Variants in CA10 observed in about 807,000 individuals in gnomAD.
CA10 encodes carbonic anhydrase-related protein 10.
CA10 carries 14 observed loss-of-function variants against 44.2 expected under a neutral mutation model. That is an observed-to-expected ratio of 0.32 (90% CI 0.21 to 0.50). CA10 has a LOEUF of 0.50. Ranked by LOEUF, CA10 falls within the 20% of genes least tolerant of loss-of-function variation. The pLI, the probability that CA10 is intolerant of heterozygous loss-of-function variation, is 0.99. For missense variants in CA10, 350 were observed against 409.7 expected, an observed-to-expected ratio of 0.85 and a Z score of 1.26; for synonymous variants, 159 against 141.6, an observed-to-expected ratio of 1.12 and a Z score of -0.87.
chr17:51,795,001 G>A (rs908388242), intron 3 of CA10, among the ~76,000 whole-genome samples: 5 of 152,134 alleles, frequency 3.3e-5, no homozygotes, highest in Non-Finnish European at 7.4e-5. Context: ...ATGCAGGATG[G>A]CATCAGGAAA....
At chr17:51,686,835 A>G (rs1915026917) in intron 4 of CA10, among the ~76,000 whole-genome samples, 1 of 152,122 alleles carries the variant, frequency 6.6e-6, no homozygotes, top group South Asian at 2.1e-4. Flanking sequence ...TAAGCTTGAT[A>G]CTAGTTGTTT....
intron 3 of CA10, among the ~76,000 whole-genome samples, chr17:51,784,744 C>A (rs1451951464): frequency 1.3e-5 from 2 of 152,194 alleles, no homozygotes; most frequent in Non-Finnish European, 2.9e-5. Flanking sequence ...AACGGAGTAT[C>A]CATCCCCTCA....
chr17:51,967,076 C>T (rs1173155100), intron 2 of CA10, among the ~76,000 whole-genome samples: 6 of 150,748 alleles, frequency 4.0e-5, no homozygotes, highest in Non-Finnish European at 8.9e-5. Context: ...AAGAAGACAA[C>T]AAACATATGA....
At chr17:52,043,471 T>C (rs2109450) in intron 2 of CA10, among the ~76,000 whole-genome samples, 67,346 of 151,888 alleles carry the variant, frequency 0.44, 15,423 homozygotes, top group Non-Finnish European at 0.5. Flanking sequence ...TGGTGGAGTT[T>C]TAGCATTTCT....
At chr17:51,738,413 G>T (rs9915772) in intron 4 of CA10, among the ~76,000 whole-genome samples, 1 of 152,216 alleles carries the variant, frequency 6.6e-6, no homozygotes, top group South Asian at 2.1e-4. Context: ...GAATGTGGGC[G>T]GGGGAGATTT....
At chr17:51,968,536 C>A (rs1472285835) in intron 2 of CA10, among the ~76,000 whole-genome samples, 1 of 151,826 alleles carries the variant, frequency 6.6e-6, no homozygotes, top group African/African-American at 2.4e-5. Context: ...AAGAAACAGA[C>A]ACTATAGAGA....
At chr17:51,638,338 G>A (rs1452708777) in intron 6 of CA10, among the ~76,000 whole-genome samples, 2 of 152,174 alleles carry the variant, frequency 1.3e-5, no homozygotes, top group African/African-American at 4.8e-5. Context: ...GCTTCACCAA[G>A]CTGGATTTGG....
intron 4 of CA10, among the ~76,000 whole-genome samples, chr17:51,724,619 A>G (rs1203949616): frequency 6.6e-6 from 1 of 152,134 alleles, no homozygotes; most frequent in African/African-American, 2.4e-5. Flanking sequence ...CTTTTTTTAA[A>G]TTTTGTTTTC....
chr17:51,811,730 G>C (rs925765358), intron 3 of CA10, among the ~76,000 whole-genome samples: 1 of 152,130 alleles, frequency 6.6e-6, no homozygotes, highest in Non-Finnish European at 1.5e-5. Context: ...ATTGTGAATA[G>C]TGCCGCAATA....
intron 1 of CA10, among the ~76,000 whole-genome samples, chr17:52,089,790 T>C (rs994740205): frequency 6.6e-6 from 1 of 152,076 alleles, no homozygotes; most frequent in Non-Finnish European, 1.5e-5. Context: ...CATGCATGCA[T>C]ATGTGGTAAA....
intron 2 of CA10, among the ~76,000 whole-genome samples, chr17:51,936,145 T>C (rs756441129): frequency 6.6e-6 from 1 of 152,094 alleles, no homozygotes; most frequent in African/African-American, 2.4e-5. Flanking sequence ...GGCATTAGGG[T>C]TGGCACTGAA....
chr17:52,006,779 A>G (rs370435829), intron 2 of CA10, among the ~76,000 whole-genome samples: 1 of 151,866 alleles, frequency 6.6e-6, no homozygotes, highest in African/African-American at 2.4e-5. Flanking sequence ...GTATAAATAC[A>G]TCTTCTAAAA....
At chr17:52,004,238 A>G (rs554916542) in intron 2 of CA10, among the ~76,000 whole-genome samples, 1 of 152,092 alleles carries the variant, frequency 6.6e-6, no homozygotes, top group African/African-American at 2.4e-5. Flanking sequence ...TAATTTCCCT[A>G]TGTTACCCTT....
chr17:51,785,625 C>CA (rs1026612566), intron 3 of CA10, among the ~76,000 whole-genome samples: 3 of 152,036 alleles, frequency 2.0e-5, no homozygotes, highest in Non-Finnish European at 4.4e-5. Context: ...CAATAAAAAC[C>CA]AAAAATAGAG....
chr17:51,860,714 T>C (rs1979264939), intron 3 of CA10, among the ~76,000 whole-genome samples: 2 of 152,220 alleles, frequency 1.3e-5, no homozygotes, highest in East Asian at 1.9e-4. Flanking sequence ...TATAGCTGTG[T>C]ATTAATAGTT....
At chr17:51,682,858 G>A (rs1354769185) in intron 4 of CA10, among the ~76,000 whole-genome samples, 5 of 152,140 alleles carry the variant, frequency 3.3e-5, no homozygotes, top group African/African-American at 1.2e-4. Flanking sequence ...AGTGGCGGGT[G>A]CTTGATACAT....
At chr17:51,636,657 A>G (rs1912839510) in intron 6 of CA10, among the ~76,000 whole-genome samples, 2 of 152,294 alleles carry the variant, frequency 1.3e-5, no homozygotes, top group Non-Finnish European at 1.5e-5. Flanking sequence ...ACCTGTTGAA[A>G]TTCACCTGGT....
rs1368563501 is a variant in CA10 at position 52,158,177 on chromosome 17, C to A, written c.-391G>T. 3 of 325,958 alleles carry A rather than the reference C, an allele frequency of 9.2e-6. No homozygotes were observed. The highest frequency in any genetic ancestry group is 1.7e-5 in the Non-Finnish European group (3 of 172,342). The allele number at this position is 325,958 out of a possible 1,614,324, so 20.2% of individuals were successfully genotyped here. On this transcript the variant is annotated 5_prime_UTR_variant, in exon 1 of 9. Transcript: ENST00000451037. ...GGCTCTTCCAGCAAAAACGAGACCC[C>A]GATTCGTCTGGCGCCCCAAGAAGAC...
chr17:52,118,347 C>T (rs1323303410), intron 1 of CA10, among the ~76,000 whole-genome samples: 1 of 152,150 alleles, frequency 6.6e-6, no homozygotes, highest in Admixed American at 6.6e-5. Flanking sequence ...AAAGTCTTCC[C>T]TGTTAATGAG....
Sources: gnomAD v4.1 joint callset for allele counts (sites outside exome capture counted in the v4.1 genomes callset) on GRCh38, gnomAD v4.1.1 for gene constraint, MANE v1.5 for transcripts, NCBI Gene and HGNC (gene_info 2026-07-23, HGNC 2026-07-21) for gene names.